AK5: variants seen among roughly 807,000 people sequenced by gnomAD.
The protein encoded by AK5 is adenylate kinase 5.
Under a neutral mutation model 69.5 loss-of-function variants are expected in AK5, and 27 were observed. The ratio of observed to expected loss-of-function variants is 0.39; its 90% CI spans 0.29 to 0.54. AK5 has a LOEUF of 0.54. AK5 is among the 20% of genes least tolerant of loss of function. The pLI is 0.71. For missense variants in AK5, 531 were observed against 700.4 expected (o/e 0.76, Z 2.73); for synonymous variants, 260 against 244.4 (o/e 1.06, Z -0.60).
chr1:77,558,674 CA>C lies in AK5; in HGVS notation c.*9del. On this transcript the variant is annotated 3_prime_UTR_variant, in exon 14 of 14. Transcript: ENST00000354567. ...AGCTATTGACTCTATTTTCTGAAGG[CA>C]AAAATGCATGTTTGTTAGAATGGAA... is the stretch of plus-strand genomic sequence containing the variant. The C allele has an allele frequency of 6.4e-7, 1 of 1,551,472 alleles. No homozygotes were observed.
chr1:77,412,407 G>A (rs570858104), intron 7 of AK5, among the ~76,000 whole-genome samples: 136 of 152,288 alleles, frequency 8.9e-4, no homozygotes, highest in African/African-American at 3.1e-3. Flanking sequence ...ATAAACAGAA[G>A]ACTCTGTGCT....
chr1:77,425,725 A>G (rs191495301), intron 8 of AK5, among the ~76,000 whole-genome samples: 60 of 152,358 alleles, frequency 3.9e-4, no homozygotes, highest in African/African-American at 1.4e-3. Context: ...ACAGATGAGT[A>G]TGTTCAAAAT....
intron 6 of AK5, among the ~76,000 whole-genome samples, chr1:77,368,516 G>A (rs1018600068): frequency 3.3e-5 from 5 of 151,356 alleles, no homozygotes; most frequent in Non-Finnish European, 7.4e-5. Flanking sequence ...ATCTGCGGTT[G>A]TTGGCATCAC....
chr1:77,438,100 C>G (rs1408295352), intron 8 of AK5, among the ~76,000 whole-genome samples: 3 of 151,882 alleles, frequency 2.0e-5, no homozygotes, highest in Non-Finnish European at 4.4e-5. Context: ...TTTGAAAGCC[C>G]TCTCTTTTTT....
At chr1:77,537,310 G>A (rs1659024196) in intron 13 of AK5, among the ~76,000 whole-genome samples, 1 of 152,084 alleles carries the variant, frequency 6.6e-6, no homozygotes, top group African/African-American at 2.4e-5. Context: ...GACATAAAGT[G>A]CCAAGGAAAA....
At chr1:77,385,410 T>C (rs1459878239) in intron 6 of AK5, among the ~76,000 whole-genome samples, 2 of 152,108 alleles carry the variant, frequency 1.3e-5, no homozygotes, top group Non-Finnish European at 1.5e-5. Context: ...CCACCCACCT[T>C]GGCCTCCCAA....
intron 10 of AK5, among the ~76,000 whole-genome samples, chr1:77,487,410 C>T (rs965083836): frequency 6.6e-6 from 1 of 152,178 alleles, no homozygotes; most frequent in Non-Finnish European, 1.5e-5. Context: ...CCTTTCAAAA[C>T]TTAGTACTTT....
chr1:77,471,314 C>T (rs143007152), intron 8 of AK5, among the ~76,000 whole-genome samples: 1 of 152,262 alleles, frequency 6.6e-6, no homozygotes, highest in East Asian at 1.9e-4. Context: ...AGCTTTAGAT[C>T]TGTCAAATGG....
chr1:77,406,704 G>GAAAAAAA lies in AK5; in HGVS notation c.892-4277_892-4276insAAAAAAA, dbSNP rs752481198. Reference sequence around the variant, plus strand: ...ACATGAGGAAATTGCCTGATGCTGAGGAAAAAAAAAAAACATACAAAAGGA... The same window carrying GAAAAAAA: ...ACATGAGGAAATTGCCTGATGCTGAGAAAAAAAGAAAAAAAAAAAACATACAAAAGGA... On this transcript the variant is annotated intron_variant, in intron 6 of 13. Transcript: ENST00000354567. 2.1e-3 allele frequency among the ~76,000 whole-genome samples: 310 copies of GAAAAAAA among 147,624 alleles called. 3 individuals carry two copies. The highest frequency in any genetic ancestry group is 7.3e-3 in the African/African-American group (288 of 39,356).
intron 8 of AK5, among the ~76,000 whole-genome samples, chr1:77,427,352 A>T (rs1651280733): frequency 6.6e-6 from 1 of 152,142 alleles, no homozygotes; most frequent in African/African-American, 2.4e-5. Flanking sequence ...AAGGGATAAT[A>T]AAGAAATATT....
intron 10 of AK5, among the ~76,000 whole-genome samples, chr1:77,517,345 G>A (rs1461479846): frequency 6.6e-6 from 1 of 152,166 alleles, no homozygotes. Context: ...GACCTGAAGT[G>A]TGGCCAGGTC....
intron 13 of AK5, among the ~76,000 whole-genome samples, chr1:77,542,145 G>A (rs1659311157): frequency 6.6e-6 from 1 of 151,994 alleles, no homozygotes; most frequent in Non-Finnish European, 1.5e-5. Flanking sequence ...TGGCCAACAT[G>A]GCAAATGTCT....
chr1:77,488,580 G>A lies in AK5; in HGVS notation c.1147+2228G>A, dbSNP rs905471028. Among the ~76,000 whole-genome samples the A allele has an allele frequency of 3.9e-5, 6 of 152,196 alleles. No homozygotes were observed. The East Asian group carries it at 5.8e-4, about 15-fold the overall frequency. On this transcript the variant is annotated intron_variant, in intron 10 of 13. Transcript: ENST00000354567. ...AGGAATTTATTAAGTATTAACTTAC[G>A]TGATCACAAGGTCCCACAACAGGCT...
At chr1:77,536,145 A>C in intron 13 of AK5, 107 bp downstream of exon 13, 1 of 1,261,520 alleles carries the variant, frequency 7.9e-7, no homozygotes, top group Non-Finnish European at 1.1e-6. Flanking sequence ...TCTGGGAATT[A>C]GAACTCTGTG....
intron 8 of AK5, among the ~76,000 whole-genome samples, chr1:77,440,430 T>C (rs1477548364): frequency 6.6e-6 from 1 of 152,214 alleles, no homozygotes; most frequent in Non-Finnish European, 1.5e-5. Context: ...TTTTGATAAT[T>C]TGACTATAGT....
chr1:77,556,532 A>G (rs1565851), intron 13 of AK5, among the ~76,000 whole-genome samples: 95,761 of 151,932 alleles, frequency 0.63, 32,524 homozygotes, highest in Non-Finnish European at 0.76. Flanking sequence ...TTATCCATCT[A>G]TTGCTAATGG....
intron 6 of AK5, among the ~76,000 whole-genome samples, chr1:77,343,621 G>A (rs1661770664): frequency 6.6e-6 from 1 of 152,146 alleles, no homozygotes; most frequent in Non-Finnish European, 1.5e-5. Context: ...ACTTTCTGCA[G>A]GTTACTTATC....
intron 11 of AK5, among the ~76,000 whole-genome samples, chr1:77,519,115 T>G (rs1333460125): frequency 1.3e-5 from 2 of 152,226 alleles, no homozygotes; most frequent in African/African-American, 4.8e-5. Flanking sequence ...CTGGGAGGTA[T>G]GATTATCTTG....
At chr1:77,394,303 T>C (rs1034177799) in intron 6 of AK5, among the ~76,000 whole-genome samples, 5 of 152,096 alleles carry the variant, frequency 3.3e-5, no homozygotes, top group Admixed American at 6.5e-5. Context: ...GAGTATGTGG[T>C]GGGGCAGCCA....
Sources: allele counts gnomAD v4.1 joint callset (sites outside exome capture counted in the v4.1 genomes callset), GRCh38; gene constraint gnomAD v4.1.1; transcripts MANE v1.5; gene names NCBI Gene and HGNC (gene_info 2026-07-23, HGNC 2026-07-21).